EPHB2: variants seen among roughly 807,000 people sequenced by gnomAD.
The protein encoded by EPHB2 is EPH receptor B2, also known as ephrin type-B receptor 2.
EPHB2 carries 18 observed loss-of-function variants against 96.4 expected under a neutral mutation model. The observed-to-expected ratio is 0.19, with a 90% confidence interval of 0.13 to 0.28. EPHB2 has a LOEUF of 0.28. Ranked by LOEUF, EPHB2 falls within the 10% of genes least tolerant of loss-of-function variation. The pLI is 1.00. For missense variants in EPHB2, 989 were observed against 1,355.4 expected (o/e 0.73, Z 4.25); for synonymous variants, 506 against 534.1 (o/e 0.95, Z 0.72).
intron 1 of EPHB2, among the ~76,000 whole-genome samples, chr1:22,717,714 A>G (rs2148333568): frequency 6.6e-6 from 1 of 152,308 alleles, no homozygotes; most frequent in Middle Eastern, 3.4e-3. Context: ...AAATGTCAGC[A>G]GCACCCTCGT....
chr1:22,733,087 C>T lies in EPHB2; in HGVS notation c.61+22044C>T, dbSNP rs77025947. Among the ~76,000 whole-genome samples the T allele has an allele frequency of 0.021, 3,217 of 151,950 alleles. 113 individuals carry two copies. The highest frequency in any genetic ancestry group is 0.073 in the African/African-American group (3,023 of 41,404). On this transcript the variant is annotated intron_variant, in intron 1 of 15. Transcript: ENST00000374630. The surrounding 1 kb of genome is among the most constrained non-coding windows in gnomAD (Gnocchi z 4.6). ...TTTTTTTTTGGAGTTTCGCTCTTGT[C>T]GCCCAGACTGGAATGCAATGGCGTA...
intron 3 of EPHB2, among the ~76,000 whole-genome samples, chr1:22,839,306 C>T (rs1199651242): frequency 6.6e-6 from 1 of 152,228 alleles, no homozygotes; most frequent in Non-Finnish European, 1.5e-5. Context: ...TAACCCTGGA[C>T]TTGCCCAAGG....
intron 3 of EPHB2, among the ~76,000 whole-genome samples, chr1:22,825,799 T>C (rs1444429119): frequency 6.6e-6 from 1 of 152,074 alleles, no homozygotes; most frequent in Non-Finnish European, 1.5e-5. Flanking sequence ...CTGCTGCAGG[T>C]GGGAAACCAA....
In EPHB2 at chr1:22,792,523, G is replaced by A. The variant is rs114719895; in HGVS notation, c.811+7447G>A. On this transcript the variant is annotated intron_variant, in intron 3 of 15. Transcript: ENST00000374630. ...TTCAGGCCTTTGCTCTTAAAAATAG[G>A]AAAAATTCTACACCCTCCCCAACTT... Among the ~76,000 whole-genome samples the A allele has an allele frequency of 4.4e-3, 672 of 152,176 alleles. 11 individuals carry two copies. Among genetic ancestry groups the A allele is most frequent in the African/African-American group, 0.015 (637 of 41,504 alleles).
chr1:22,791,717 A>G (rs12401904), intron 3 of EPHB2, among the ~76,000 whole-genome samples: 1 of 151,976 alleles, frequency 6.6e-6, no homozygotes, highest in African/African-American at 2.4e-5. Flanking sequence ...GAATAAATGT[A>G]CCGTAATTTA....
chr1:22,778,740 G>T (rs970648202), intron 1 of EPHB2, among the ~76,000 whole-genome samples: 1 of 152,230 alleles, frequency 6.6e-6, no homozygotes, highest in African/African-American at 2.4e-5. Context: ...ACTGCTTTGG[G>T]CCAGGAGAGG....
At chr1:22,779,624 T>C (rs1197615400) in intron 1 of EPHB2, among the ~76,000 whole-genome samples, 1 of 152,178 alleles carries the variant, frequency 6.6e-6, no homozygotes, top group East Asian at 1.9e-4. Flanking sequence ...ATCAAACTAA[T>C]TGTTTCAAGT....
In EPHB2 at chr1:22,756,410, C is replaced by G. The variant is rs184249742; in HGVS notation, c.62-25011C>G. Among the ~76,000 whole-genome samples, 66 of 152,238 alleles carry G rather than the reference C, an allele frequency of 4.3e-4. 1 individual carries two copies. The East Asian group carries it at 0.012, about 29-fold the overall frequency. Reference sequence around the variant, plus strand: ...CTTCAGTCAGACTGACCGCCAGGACCTCATGGTCCTGGGCCCTGACCCGGC... The same window carrying G: ...CTTCAGTCAGACTGACCGCCAGGACGTCATGGTCCTGGGCCCTGACCCGGC... On this transcript the variant is annotated intron_variant, in intron 1 of 15. Transcript: ENST00000374630.
intron 5 of EPHB2, among the ~76,000 whole-genome samples, chr1:22,881,151 A>C (rs1639031648): frequency 6.6e-6 from 1 of 152,154 alleles, no homozygotes; most frequent in Non-Finnish European, 1.5e-5. Flanking sequence ...CTATAACCCC[A>C]GCACTCTGGG....
At chr1:22,745,148 A>G (rs1166433758) in intron 1 of EPHB2, among the ~76,000 whole-genome samples, 1 of 152,238 alleles carries the variant, frequency 6.6e-6, no homozygotes, top group Non-Finnish European at 1.5e-5. Context: ...TGTTCACAGC[A>G]GCTTTGCCTG....
At chr1:22,739,362 C>T (rs568806402) in intron 1 of EPHB2, among the ~76,000 whole-genome samples, 19 of 152,262 alleles carry the variant, frequency 1.2e-4, no homozygotes, top group African/African-American at 4.6e-4. Context: ...ACCGCAGGCG[C>T]ATGCCAGCAC....
chr1:22,865,087 T>C lies in EPHB2; in HGVS notation c.1178T>C (p.Ile393Thr), dbSNP rs1358713907. 1.2e-6 allele frequency: 2 copies of C among 1,614,180 alleles called. No homozygotes were observed. Among genetic ancestry groups the C allele is most frequent in the South Asian group, 1.1e-5 (1 of 91,076 alleles). The part of the protein sequence containing the change: ...PRQLGLTEPR[I>T]YISDLLAHTQ... ...CAGCTAGGCCTGACCGAGCCACGCA[T>C]TTACATCAGTGACCTGCTGGCCCAC... Residue 393 changes from isoleucine (I) to threonine (T), a missense_variant, in exon 5 of 16, where the codon ATT (isoleucine) becomes ACT (threonine). Physicochemically the swap from Ile to Thr is moderately conservative, Grantham distance 89. Transcript: ENST00000374630.
At chr1:22,777,911 T>C (rs907233918) in intron 1 of EPHB2, among the ~76,000 whole-genome samples, 17 of 152,220 alleles carry the variant, frequency 1.1e-4, no homozygotes, top group Non-Finnish European at 2.2e-4. Flanking sequence ...TGTGCTGGGC[T>C]CCAAGCTGCT....
At chr1:22,744,989 T>G (rs1250238510) in intron 1 of EPHB2, among the ~76,000 whole-genome samples, 3 of 152,226 alleles carry the variant, frequency 2.0e-5, no homozygotes, top group Non-Finnish European at 4.4e-5. Flanking sequence ...GAGAGGTTGG[T>G]CTTGCTGTCT....
At chr1:22,764,417 G>A (rs1268508261) in intron 1 of EPHB2, among the ~76,000 whole-genome samples, 1 of 152,146 alleles carries the variant, frequency 6.6e-6, no homozygotes, top group African/African-American at 2.4e-5. Flanking sequence ...CTCAAGACTT[G>A]CCCTGGGGTA....
chr1:22,736,193 G>A (rs754917646), intron 1 of EPHB2, among the ~76,000 whole-genome samples: 5 of 152,110 alleles, frequency 3.3e-5, no homozygotes, highest in South Asian at 2.1e-4. Context: ...TCGTACACAC[G>A]GGGGTCTACA....
intron 9 of EPHB2, 33 bp downstream of exon 9, chr1:22,896,511 G>T: frequency 6.2e-7 from 1 of 1,613,820 alleles, no homozygotes; most frequent in Non-Finnish European, 8.5e-7. Context: ...TGGAACCCTT[G>T]GGCCCTTCAC....
chr1:22,912,467 G>T lies in EPHB2; in HGVS notation c.2720G>T (p.Arg907Leu), dbSNP rs751080829. 1 of 1,614,034 alleles carries T rather than the reference G, an allele frequency of 6.2e-7. No individual in the cohort carries two copies. The highest frequency in any genetic ancestry group is 1.1e-5 in the South Asian group (1 of 91,082). Residue 907 changes from arginine to leucine, a missense_variant, in exon 15 of 16, where the codon CGC becomes CTC. Physicochemically the swap from Arg to Leu is moderately radical, Grantham distance 102. Transcript: ENST00000374630. Reference sequence around the variant, plus strand: ...AGCATCAACCTGCCGCTGCTGGACCGCACGATCCCCGACTACACCAGCTTT... The same window carrying T: ...AGCATCAACCTGCCGCTGCTGGACCTCACGATCCCCGACTACACCAGCTTT... Reference protein sequence around the residue: ...SSGINLPLLDRTIPDYTSFNT... With the variant: ...SSGINLPLLDLTIPDYTSFNT...
chr1:22,907,169 ATTC>A (rs1639945155), intron 11 of EPHB2, among the ~76,000 whole-genome samples: 1 of 152,200 alleles, frequency 6.6e-6, no homozygotes, highest in South Asian at 2.1e-4. Flanking sequence ...CAGTCCCAGA[ATTC>A]TTCTCAGTAT....
Sources: allele counts gnomAD v4.1 joint callset (sites outside exome capture counted in the v4.1 genomes callset), GRCh38; gene constraint gnomAD v4.1.1; non-coding constraint Gnocchi (gnomAD v3.1); transcripts MANE v1.5; gene names NCBI Gene and HGNC (gene_info 2026-07-23, HGNC 2026-07-21).